Variants in LRPAP1 observed in about 807,000 individuals in gnomAD.
The protein encoded by LRPAP1 is LDL receptor related protein associated protein 1, also known as alpha-2-macroglobulin receptor-associated protein.
In LRPAP1, 41 loss-of-function variants were observed where a neutral mutation model predicts 39.9. The observed-to-expected ratio is 1.03, with a 90% CI of 0.80 to 1.33. The LOEUF is 1.33. Among genes scored for constraint, LRPAP1 ranks in the 40% most tolerant of loss-of-function variants. LRPAP1 has a pLI of 0.00. For synonymous variants in LRPAP1, 263 were observed against 212.7 expected (o/e 1.24, Z -2.06); for missense variants, 565 against 482.3 (o/e 1.17, Z -1.61).
In LRPAP1 at chr4:3,523,400, C is replaced by T. The variant is rs1002435819; in HGVS notation, c.349+1507G>A. On this transcript the variant is annotated intron_variant, in intron 2 of 7. Coordinates refer to ENST00000650182, the MANE Select transcript of LRPAP1 (RefSeq NM_002337.4). ...GTCCCTGCCGCCGTATCTTGGCTTA[C>T]GTCTCAACCAGACTCTTGAACATGG... Among the ~76,000 whole-genome samples the T allele has an allele frequency of 7.2e-5, 11 of 152,320 alleles. No individual in the cohort carries two copies. In the South Asian group the frequency reaches 1.0e-3, roughly 14 times the overall value.
chr4:3,515,855 G>A (rs921359605), intron 6 of LRPAP1: 113 of 524,236 alleles, frequency 2.2e-4, no homozygotes, highest in Non-Finnish European at 8.9e-5. Flanking sequence ...CACAGGACCC[G>A]CACCAAGGCC....
intron 6 of LRPAP1, 115 bp from the exon 7 acceptor site, chr4:3,515,043 G>A: frequency 4.2e-6 from 5 of 1,196,816 alleles, no homozygotes; most frequent in Non-Finnish European, 5.9e-6. Flanking sequence ...GGGCAGGACA[G>A]GCCTTGCGGT....
In LRPAP1 at chr4:3,518,978, C is replaced by T. The variant is rs1268731002; in HGVS notation, c.485G>A (p.Gly162Glu). 2 of 1,613,956 alleles carry T rather than the reference C, an allele frequency of 1.2e-6. No homozygotes were observed. The highest frequency in any genetic ancestry group is 1.1e-5 in the South Asian group (1 of 91,062). The change falls in exon 4 of 8, where the codon GGG becomes GAG. Residue 162 changes from glycine (G) to glutamate (E), a missense_variant. Coordinates refer to ENST00000650182, the MANE Select transcript of LRPAP1 (RefSeq NM_002337.4). Reference sequence around the variant, plus strand: ...GTCCAGTTCTTCGCCGGAGAATTTCCCAGAGGTCTTCGCCTAAGAGGGAAA... The same window carrying T: ...GTCCAGTTCTTCGCCGGAGAATTTCTCAGAGGTCTTCGCCTAAGAGGGAAA... ...EKLWHKAKTS[G>E]KFSGEELDKL...
At position 3,503,702 on chromosome 4, in the gene LRPAP1, G is replaced by C. The variant is rs1308808846; in HGVS notation, c.*9272C>G. 6.6e-6 allele frequency: 1 copy of C among 152,250 alleles called. No homozygotes were observed. Among genetic ancestry groups the C allele is most frequent in the Non-Finnish European group, 1.5e-5 (1 of 68,054 alleles). 9.4% of individuals were successfully genotyped at this position (152,250 alleles called of 1,614,324 possible). A position where few individuals can be genotyped will look rare whatever the true frequency, so the allele number is the denominator to read the frequency against. On this transcript the variant is annotated 3_prime_UTR_variant, in exon 8 of 8. Coordinates refer to ENST00000650182, the MANE Select transcript of LRPAP1 (RefSeq NM_002337.4). ...AAATGTGGTTAGTGTGGTACGTTGA[G>C]GGAAACTTATAACCTCACGCGCTTG...
Position 3,516,217 on chromosome 4 carries a change from A to T in LRPAP1, c.752-19T>A, listed in dbSNP as rs368542868. 1.9e-6 allele frequency: 3 copies of T among 1,554,170 alleles called. No homozygotes were observed. The highest frequency in any genetic ancestry group is 2.6e-6 in the Non-Finnish European group (3 of 1,147,530). ...TCGAACTCTGCAGGGGAGGAGCAAG[A>T]GTGGCCTCAGCAGCACCCGGGGTGC... On this transcript the variant is annotated intron_variant, in intron 5 of 7. Coordinates refer to ENST00000650182, the MANE Select transcript of LRPAP1 (RefSeq NM_002337.4).
intron 2 of LRPAP1, among the ~76,000 whole-genome samples, chr4:3,522,402 G>A (rs2108692830): frequency 6.6e-6 from 1 of 152,352 alleles, no homozygotes; most frequent in South Asian, 2.1e-4. Context: ...TGGAGGTGCT[G>A]GGTTCTTCTG....
At chr4:3,515,173 C>T (rs552010670) in intron 6 of LRPAP1, among the ~76,000 whole-genome samples, 7 of 152,288 alleles carry the variant, frequency 4.6e-5, no homozygotes, top group Middle Eastern at 3.4e-3. Context: ...GGCACCCCCG[C>T]CCCCCGAATC....
chr4:3,517,838 C>T (rs1407480593), intron 5 of LRPAP1, 196 bp downstream of exon 5: 17 of 562,790 alleles, frequency 3.0e-5, no homozygotes, highest in East Asian at 6.8e-5. Context: ...AGGCTGGGGA[C>T]GGCGAGTGAC....
chr4:3,520,740 G>A (rs996510744), intron 2 of LRPAP1, among the ~76,000 whole-genome samples: 4 of 152,242 alleles, frequency 2.6e-5, no homozygotes, highest in Admixed American at 1.3e-4. Context: ...AAGGAGAAAC[G>A]TCAGTGTCAG....
rs541917786 is a variant in LRPAP1, at chr4:3,518,323, C to T, written c.593-131G>A. On this transcript the variant is annotated intron_variant, in intron 4 of 7. Coordinates refer to ENST00000650182, the MANE Select transcript of LRPAP1 (RefSeq NM_002337.4). ...TTCTGGGCTGAAAATGTCCCCCTTC[C>T]GCGGTCCTGCAGCGCCGCAGAAACG... 16 of 1,022,924 alleles carry T rather than the reference C, an allele frequency of 1.6e-5. No homozygotes were observed. The South Asian group carries it at 2.0e-4, about 13-fold the overall frequency. The allele number at this position is 1,022,924 out of a possible 1,614,324, so 63.4% of individuals were successfully genotyped here.
At position 3,518,178 on chromosome 4, in the gene LRPAP1, C is replaced by CG; in HGVS notation, c.606dup (p.Val203ArgfsTer3). ...TCGCTCAGGTCCGAGGGGCTAATGACGTTCTCGTGGATTTCTGTAAAACCG... is the reference window on the plus strand; with the variant it reads ...TCGCTCAGGTCCGAGGGGCTAATGACGGTTCTCGTGGATTTCTGTAAAACCG... On this transcript the variant is annotated frameshift_variant, in exon 5 of 8. Transcript: ENST00000650182. LOFTEE classifies it high-confidence loss of function. 6.2e-7 allele frequency: 1 copy of CG among 1,611,024 alleles called. No individual in the cohort carries two copies. The highest frequency in any genetic ancestry group is 8.5e-7 in the Non-Finnish European group (1 of 1,178,128).
chr4:3,519,796 C>G (rs373652562), intron 3 of LRPAP1, among the ~76,000 whole-genome samples: 1 of 152,240 alleles, frequency 6.6e-6, no homozygotes, highest in East Asian at 1.9e-4. Flanking sequence ...GTCACCATCC[C>G]GTAACCACAC....
chr4:3,532,402 C>G lies in LRPAP1; in HGVS notation c.11G>C (p.Arg4Pro), dbSNP rs563463515. Residue 4 changes from arginine (R) to proline (P), a missense_variant, in exon 1 of 8, where the codon CGG becomes CCG. Transcript: ENST00000650182. ...CCCGCGCAGAAACGACCTGACCCTCCGCGGCGCCATCTTCCTCTGCGACTG... is the reference window on the plus strand; with the variant it reads ...CCCGCGCAGAAACGACCTGACCCTCGGCGGCGCCATCTTCCTCTGCGACTG... MAP[R>P]RVRSFLRGLP... The G allele has an allele frequency of 9.2e-5, 145 of 1,574,374 alleles. No homozygotes were observed. The highest frequency in any genetic ancestry group is 5.9e-4 in the South Asian group (51 of 86,780).
At chr4:3,517,646 G>T (rs1345601927) in intron 5 of LRPAP1, 1 of 164,300 alleles carries the variant, frequency 6.1e-6, no homozygotes, top group Non-Finnish European at 1.3e-5. Context: ...CTGCCGGGCT[G>T]AGGGGGACTG....
At chr4:3,520,493 C>T (rs1256022799) in intron 2 of LRPAP1, among the ~76,000 whole-genome samples, 5 of 152,210 alleles carry the variant, frequency 3.3e-5, no homozygotes, top group Non-Finnish European at 5.9e-5. Context: ...CTGTGTCCCC[C>T]TGAGACGCAG....
At chr4:3,517,824 TA>T in intron 5 of LRPAP1, 1 of 523,734 alleles carries the variant, frequency 1.9e-6, no homozygotes, top group Non-Finnish European at 3.2e-6. Flanking sequence ...AGTCTCCAGG[TA>T]CAAGGCTGGG....
chr4:3,526,714 C>T (rs1730088364), intron 1 of LRPAP1, among the ~76,000 whole-genome samples: 1 of 152,188 alleles, frequency 6.6e-6, no homozygotes, highest in African/African-American at 2.4e-5. Flanking sequence ...GGAACCTCCT[C>T]GCCTCACTCT....
chr4:3,522,625 CA>C (rs1482621237), intron 2 of LRPAP1, among the ~76,000 whole-genome samples: 4,823 of 139,798 alleles, frequency 0.034, 710 homozygotes, highest in South Asian at 0.054. Context: ...CTGGGGAGGA[CA>C]GACGCCGCCC....
Position 3,507,876 on chromosome 4 carries a change from T to A in LRPAP1, c.*5098A>T, listed in dbSNP as rs1235376893. On this transcript the variant is annotated 3_prime_UTR_variant, in exon 8 of 8. Transcript: ENST00000650182. ...AAACACAAATGGCCCAGAGCAGGAATGAGAATGGACATCACTGCACAGAGG... is the reference window on the plus strand; with the variant it reads ...AAACACAAATGGCCCAGAGCAGGAAAGAGAATGGACATCACTGCACAGAGG... 1 of 152,170 alleles carries A rather than the reference T, an allele frequency of 6.6e-6. No individual in the cohort carries two copies. The highest frequency in any genetic ancestry group is 2.4e-5 in the African/African-American group (1 of 41,434). 9.4% of individuals were successfully genotyped at this position (152,170 alleles called of 1,614,324 possible).
Sources: gnomAD v4.1 joint callset for allele counts (sites outside exome capture counted in the v4.1 genomes callset) on GRCh38, gnomAD v4.1.1 for gene constraint, MANE v1.5 for transcripts, NCBI Gene and HGNC (gene_info 2026-07-23, HGNC 2026-07-21) for gene names.